Variants in ZPBP observed in about 807,000 individuals in gnomAD.
ZPBP encodes zona pellucida binding protein.
In ZPBP, 26 loss-of-function variants were observed where a neutral mutation model predicts 44.8. The observed-to-expected ratio is 0.58, with a 90% CI of 0.43 to 0.81. The LOEUF (loss-of-function observed/expected upper bound fraction) is 0.81. ZPBP is among the 30% of genes least tolerant of loss of function. The probability of loss-of-function intolerance (pLI) is 0.00; values close to 1 mark genes in which losing one functional copy is unlikely to be tolerated. For synonymous variants in ZPBP, 174 were observed against 153.2 expected (o/e 1.14, Z -1.00); for missense variants, 409 against 434.0 (o/e 0.94, Z 0.51).
intron 7 of ZPBP, among the ~76,000 whole-genome samples, chr7:49,946,279 T>A (rs1795101037): frequency 6.6e-6 from 1 of 152,080 alleles, no homozygotes; most frequent in Non-Finnish European, 1.5e-5. Context: ...TATTCTGTGT[T>A]TTTTTGTGTA....
At chr7:49,935,039 T>C (rs1289818909), downstream of ZPBP, among the ~76,000 whole-genome samples, 1 of 152,174 alleles carries the variant, frequency 6.6e-6, no homozygotes, top group East Asian at 1.9e-4. Context: ...CAGGGATTCA[T>C]GTATGATTTT....
At chr7:50,041,601 T>C in intron 4 of ZPBP, among the ~76,000 whole-genome samples, 1 of 151,536 alleles carries the variant, frequency 6.6e-6, no homozygotes, top group East Asian at 1.9e-4. Flanking sequence ...CAGAAAGGAG[T>C]AGCATCGACA....
At chr7:49,861,084 C>T (rs771792004) in intron 2 of ZPBP, among the ~76,000 whole-genome samples, 7 of 152,230 alleles carry the variant, frequency 4.6e-5, no homozygotes, top group Non-Finnish European at 7.3e-5. Flanking sequence ...GGTGTCTGCA[C>T]AGTTTTACAT....
chr7:49,994,852 G>A (rs1295521713), intron 6 of ZPBP, among the ~76,000 whole-genome samples: 1 of 152,006 alleles, frequency 6.6e-6, no homozygotes, highest in Non-Finnish European at 1.5e-5. Flanking sequence ...CTCTTGTTCT[G>A]GGCCCATCAA....
chr7:49,950,997 A>T (rs1163521529), intron 7 of ZPBP, among the ~76,000 whole-genome samples: 1 of 151,858 alleles, frequency 6.6e-6, no homozygotes, highest in South Asian at 2.1e-4. Flanking sequence ...TGAAATGTGG[A>T]AAGAACAGTT....
intron 3 of ZPBP, among the ~76,000 whole-genome samples, chr7:50,076,675 T>C (rs925380527): frequency 2.6e-5 from 4 of 151,358 alleles, no homozygotes; most frequent in African/African-American, 9.7e-5. Flanking sequence ...ATTAAACATC[T>C]AGGAATTAAC....
At position 49,969,818 on chromosome 7, in the gene ZPBP, TAGAG is replaced by T. The variant is rs34673727; in HGVS notation, c.961+13520_961+13523del. Among the ~76,000 whole-genome samples, 860 of 123,402 alleles carry T rather than the reference TAGAG, an allele frequency of 7.0e-3. 4 individuals carry two copies. Among genetic ancestry groups the T allele is most frequent in the Middle Eastern group, 0.016 (4 of 250 alleles). The allele number at this position is 123,402 out of a possible 152,430, so 81.0% of individuals were successfully genotyped here. On this transcript the variant is annotated intron_variant, in intron 7 of 7. Transcript: ENST00000046087. The stretch of plus-strand genomic sequence containing the variant: ...GTTAATAAATGTATATATATATATA[TAGAG>T]AGAGAGAGAGAGAGAGAGAGAGAAA...
At chr7:50,070,424 G>A (rs1801778800) in intron 3 of ZPBP, among the ~76,000 whole-genome samples, 1 of 152,182 alleles carries the variant, frequency 6.6e-6, no homozygotes, top group Non-Finnish European at 1.5e-5. Context: ...CTGCTGCACT[G>A]CCAGGCAGGG....
chr7:50,059,079 C>CA (rs1801117072), intron 3 of ZPBP, among the ~76,000 whole-genome samples: 1 of 152,190 alleles, frequency 6.6e-6, no homozygotes, highest in Non-Finnish European at 1.5e-5. Flanking sequence ...TTCATAACCA[C>CA]AGTTTTTAAT....
chr7:49,889,198 G>A lies in ZPBP; in HGVS notation n.509+11920C>T, dbSNP rs968494994. Among the ~76,000 whole-genome samples the A allele has an allele frequency of 7.9e-5, 12 of 152,312 alleles. No individual in the cohort carries two copies. The South Asian group carries it at 1.2e-3, about 16-fold the overall frequency. On this transcript the variant is annotated intron_variant and non_coding_transcript_variant, in intron 2 of 2. Transcript: ENST00000465922. ...ATAGTCACATCACAAACAAGCTGAT[G>A]TTTGTGACTTTTAAAATATATTAAT...
At chr7:49,872,865 G>A (rs1316902150) in intron 2 of ZPBP, among the ~76,000 whole-genome samples, 3 of 119,116 alleles carry the variant, frequency 2.5e-5, no homozygotes, top group African/African-American at 6.3e-5. Flanking sequence ...GCAGTGACCC[G>A]AGATCATGCC....
chr7:49,996,866 G>A (rs1404025457), intron 6 of ZPBP, among the ~76,000 whole-genome samples: 1 of 152,188 alleles, frequency 6.6e-6, no homozygotes, highest in South Asian at 2.1e-4. Context: ...TGACTCTGCT[G>A]TCCCTTAGGC....
chr7:50,081,724 C>A (rs1207918495), intron 3 of ZPBP, 50 bp downstream of exon 3: 2 of 1,598,256 alleles, frequency 1.3e-6, no homozygotes, highest in East Asian at 4.5e-5. Context: ...TTGTGTTGCA[C>A]ACAATTCAGA....
chr7:49,962,964 G>GAGC (rs1320577014), intron 7 of ZPBP, among the ~76,000 whole-genome samples: 4 of 151,468 alleles, frequency 2.6e-5, no homozygotes, highest in African/African-American at 7.3e-5. Context: ...AATGAAGACA[G>GAGC]AGCACATAGA....
intron 2 of ZPBP, among the ~76,000 whole-genome samples, chr7:49,881,558 T>C (rs1043950305): frequency 2.6e-5 from 4 of 152,152 alleles, no homozygotes; most frequent in Non-Finnish European, 5.9e-5. Context: ...GCTCAAGATA[T>C]GTGTTATTAG....
chr7:49,983,507 T>A lies in ZPBP; in HGVS notation c.796A>T (p.Ile266Leu), dbSNP rs1360197120. 1 of 1,595,882 alleles carries A rather than the reference T, an allele frequency of 6.3e-7. No individual in the cohort carries two copies. Among genetic ancestry groups the A allele is most frequent in the Non-Finnish European group, 8.6e-7 (1 of 1,167,084 alleles). The change falls in exon 7 of 8, where the codon ATA becomes TTA. Residue 266 changes from isoleucine (I) to leucine (L), a missense_variant. Transcript: ENST00000046087. ...YKRLFKAKNL[I>L]ERFFNQQVEI... ...ACTTGTTGATTAAAAAATCTCTCTA[T>A]GAGATTTTTAGCCTAAAACATAAAT...
rs548276455 is a variant in ZPBP, at chr7:49,891,294, C to G, written n.509+9824G>C. Among the ~76,000 whole-genome samples, 161 of 152,250 alleles carry G rather than the reference C, an allele frequency of 1.1e-3. 2 individuals are homozygous for G. The highest frequency in any genetic ancestry group is 4.7e-4 in the Non-Finnish European group (32 of 68,008). ...CTCAATTTAGCCAGATGACATTACT[C>G]TGCTAATTATATATGTAACTAATAG... On this transcript the variant is annotated intron_variant and non_coding_transcript_variant, in intron 2 of 2. Transcript: ENST00000465922.
chr7:49,872,963 T>G (rs1222184335), intron 2 of ZPBP, among the ~76,000 whole-genome samples: 1 of 134,494 alleles, frequency 7.4e-6, no homozygotes. Context: ...GAATTTGGTA[T>G]CCAAATAAAT....
intron 6 of ZPBP, among the ~76,000 whole-genome samples, chr7:50,006,917 T>C (rs900981266): frequency 5.3e-5 from 8 of 152,022 alleles, no homozygotes; most frequent in Non-Finnish European, 1.2e-4. Context: ...ACAATTGCAC[T>C]ATGGTCTGAA....
Sources: allele counts gnomAD v4.1 joint callset (sites outside exome capture counted in the v4.1 genomes callset), GRCh38; gene constraint gnomAD v4.1.1; transcripts MANE v1.5; gene names NCBI Gene and HGNC (gene_info 2026-07-23, HGNC 2026-07-21).